Variants in ENTREP2 observed in about 807,000 individuals in gnomAD.
ENTREP2 encodes the protein protein ENTREP2.
At chr15:29,282,589 G>A in the ENTREP2 span, among the ~76,000 whole-genome samples, 1 of 152,070 alleles carries the variant, frequency 6.6e-6, no homozygotes, top group African/African-American at 2.4e-5. Flanking sequence ...ATTGTTCCTC[G>A]TTTCCAGCAA....
the ENTREP2 span, among the ~76,000 whole-genome samples, chr15:29,146,827 C>T: frequency 7.2e-4 from 109 of 152,050 alleles, no homozygotes; most frequent in African/African-American, 2.3e-3. Context: ...CTCTGCTACT[C>T]GGGAGGCTGA....
At chr15:29,235,784 T>TG in the ENTREP2 span, among the ~76,000 whole-genome samples, 1 of 152,040 alleles carries the variant, frequency 6.6e-6, no homozygotes, top group African/African-American at 2.4e-5. Flanking sequence ...GCCAAGATGG[T>TG]GAAACCCTGT....
At chr15:29,673,958 T>C in the ENTREP2 span, among the ~76,000 whole-genome samples, 4 of 152,168 alleles carry the variant, frequency 2.6e-5, no homozygotes, top group African/African-American at 9.7e-5. Context: ...GTCCTGTTGC[T>C]GTGTGTGTGT....
the ENTREP2 span, chr15:29,126,321 C>CGGG: frequency 6.6e-7 from 1 of 1,516,464 alleles, no homozygotes; most frequent in South Asian, 1.3e-5. Flanking sequence ...GACACACGCC[C>CGGG]GGGACCTGGC....
chr15:29,406,715 T>C, the ENTREP2 span, among the ~76,000 whole-genome samples: 2 of 152,290 alleles, frequency 1.3e-5, no homozygotes, highest in African/African-American at 4.8e-5. Flanking sequence ...TTCAGTTTAC[T>C]TTCACATTTC....
the ENTREP2 span, among the ~76,000 whole-genome samples, chr15:29,413,054 T>C: frequency 6.6e-6 from 1 of 152,144 alleles, no homozygotes; most frequent in East Asian, 1.9e-4. Context: ...CTTTTTTTAA[T>C]TTCCAAATAT....
chr15:29,654,612 A>G, the ENTREP2 span, among the ~76,000 whole-genome samples: 2 of 152,198 alleles, frequency 1.3e-5, no homozygotes, highest in Admixed American at 6.5e-5. Flanking sequence ...GAGGAATTAG[A>G]GATGGTGAGA....
the ENTREP2 span, among the ~76,000 whole-genome samples, chr15:29,301,014 T>C: frequency 6.6e-6 from 1 of 152,250 alleles, no homozygotes; most frequent in African/African-American, 2.4e-5. Context: ...ACACTATTCA[T>C]AATGGAAGTT....
At chr15:29,536,188 G>T in the ENTREP2 span, among the ~76,000 whole-genome samples, 31 of 152,194 alleles carry the variant, frequency 2.0e-4, no homozygotes, top group African/African-American at 7.5e-4. Flanking sequence ...TCTGGTGGGG[G>T]GCTTCTAGGA....
the ENTREP2 span, among the ~76,000 whole-genome samples, chr15:29,148,820 A>G: frequency 6.6e-6 from 1 of 152,002 alleles, no homozygotes; most frequent in Admixed American, 6.6e-5. Context: ...AAGTGGGGCT[A>G]GAGCTGAAAG....
the ENTREP2 span, among the ~76,000 whole-genome samples, chr15:29,473,993 C>G: frequency 3.3e-5 from 5 of 152,220 alleles, no homozygotes; most frequent in African/African-American, 1.2e-4. Context: ...CTGAACCTAG[C>G]CATGGATTCT....
chr15:29,491,079 G>C, the ENTREP2 span, among the ~76,000 whole-genome samples: 1 of 152,176 alleles, frequency 6.6e-6, no homozygotes, highest in South Asian at 2.1e-4. Flanking sequence ...GGCCAGCAGT[G>C]CTAGGAGACC....
the ENTREP2 span, among the ~76,000 whole-genome samples, chr15:29,280,034 T>G: frequency 6.6e-6 from 1 of 152,166 alleles, no homozygotes; most frequent in African/African-American, 2.4e-5. Context: ...CAACTAGAAT[T>G]CTCACATTTC....
At chr15:29,450,818 G>A in the ENTREP2 span, among the ~76,000 whole-genome samples, 3 of 152,170 alleles carry the variant, frequency 2.0e-5, no homozygotes, top group Admixed American at 6.5e-5. Flanking sequence ...AAGGAACATA[G>A]ATGGCCATTA....
the ENTREP2 span, among the ~76,000 whole-genome samples, chr15:29,472,426 A>AC: frequency 1.1e-4 from 13 of 115,980 alleles, no homozygotes; most frequent in South Asian, 3.8e-3. Context: ...CACACAACAC[A>AC]CAACACACAC....
chr15:29,162,515 G>C, the ENTREP2 span, among the ~76,000 whole-genome samples: 2,045 of 152,116 alleles, frequency 0.013, 28 homozygotes, highest in Non-Finnish European at 0.02. Context: ...ATGGGAGCTG[G>C]GTGAGGCCTG....
the ENTREP2 span, among the ~76,000 whole-genome samples, chr15:29,144,284 G>C: frequency 6.6e-6 from 1 of 152,142 alleles, no homozygotes; most frequent in East Asian, 1.9e-4. Context: ...CTTAAATCCT[G>C]TATATGTGGA....
At chr15:29,358,304 T>A in the ENTREP2 span, among the ~76,000 whole-genome samples, 1 of 152,124 alleles carries the variant, frequency 6.6e-6, no homozygotes, top group Admixed American at 6.5e-5. Context: ...ACAAATATCA[T>A]GGTGAATGAA....
At chr15:29,306,869 C>CT in the ENTREP2 span, among the ~76,000 whole-genome samples, 2 of 151,584 alleles carry the variant, frequency 1.3e-5, no homozygotes, top group Non-Finnish European at 2.9e-5. Flanking sequence ...CCTCAGCCTC[C>CT]TGAGTAGCTG....
Sources: allele counts gnomAD v4.1 joint callset (sites outside exome capture counted in the v4.1 genomes callset), GRCh38; gene constraint gnomAD v4.1.1; transcripts MANE v1.5; gene names NCBI Gene and HGNC (gene_info 2026-07-23, HGNC 2026-07-21).